Variants in LONP2 observed in about 807,000 individuals in gnomAD.
The protein encoded by LONP2 is lon peptidase 2, peroxisomal, also known as lon protease homolog 2, peroxisomal.
LONP2 carries 60 observed loss-of-function variants against 85.6 expected under a neutral mutation model. The observed-to-expected ratio is 0.70, with a 90% CI of 0.57 to 0.87. The LOEUF (loss-of-function observed/expected upper bound fraction) is 0.87. Ranked by LOEUF, LONP2 falls within the 40% of genes least tolerant of loss-of-function variation. The pLI is 0.00. For synonymous variants in LONP2, 395 were observed against 389.7 expected, an observed-to-expected ratio of 1.01 and a Z score of -0.16; for missense variants, 860 against 1,063.5, an observed-to-expected ratio of 0.81 and a Z score of 2.66.
intron 14 of LONP2, among the ~76,000 whole-genome samples, chr16:48,349,660 AGAG>A (rs1567355216): frequency 6.6e-6 from 1 of 152,232 alleles, no homozygotes; most frequent in African/African-American, 2.4e-5. Flanking sequence ...CTTTGAGAAC[AGAG>A]GACAAGACGG....
At chr16:48,339,827 A>C (rs1472936754) in intron 12 of LONP2, among the ~76,000 whole-genome samples, 1 of 151,968 alleles carries the variant, frequency 6.6e-6, no homozygotes, top group Non-Finnish European at 1.5e-5. Context: ...GAGAGGAGTG[A>C]AGTTAGGGCA....
chr16:48,303,075 A>T, intron 10 of LONP2, 97 bp from the exon 11 acceptor site: 1 of 1,357,346 alleles, frequency 7.4e-7, no homozygotes, highest in Non-Finnish European at 1.0e-6. Flanking sequence ...ATGAACTTTT[A>T]AATGTACACT....
intron 12 of LONP2, chr16:48,344,402 T>G (rs1233114822): frequency 6.6e-6 from 1 of 152,230 alleles, no homozygotes; most frequent in Non-Finnish European, 1.5e-5. Flanking sequence ...TACACAGATT[T>G]GGCATTATTC....
chr16:48,348,541 C>G (rs1463569144), intron 14 of LONP2, among the ~76,000 whole-genome samples: 2 of 136,190 alleles, frequency 1.5e-5, no homozygotes, highest in Admixed American at 1.6e-4. Flanking sequence ...GTTGCCCAGG[C>G]TGGAGTGCAG....
At chr16:48,314,566 GA>G (rs1973102098) in intron 11 of LONP2, among the ~76,000 whole-genome samples, 1 of 152,058 alleles carries the variant, frequency 6.6e-6, no homozygotes, top group South Asian at 2.1e-4. Flanking sequence ...ATTAAATAGA[GA>G]ATCCTTTCTT....
intron 11 of LONP2, among the ~76,000 whole-genome samples, chr16:48,324,736 G>A (rs147244171): frequency 2.0e-5 from 3 of 152,162 alleles, no homozygotes; most frequent in Admixed American, 6.5e-5. Context: ...GTATGGGAGA[G>A]TGGAGTTTAT....
chr16:48,299,772 C>G lies in LONP2; in HGVS notation c.1645C>G (p.Leu549Val), dbSNP rs1319373802. ...QQIQIPQVTT[L>V]DIITRYTREA... is the part of the protein sequence containing the mutation. ...GATTCAGATACCCCAGGTCACCACT[C>G]TTGACATCATCACCAGGTTAGTTAG... The change falls in exon 10 of 15, where the codon CTT (leucine) becomes GTT (valine). Residue 549 changes from leucine (L) to valine (V), a missense_variant. Physicochemically the swap from Leu to Val is conservative, Grantham distance 32. Transcript: ENST00000285737. The G allele has an allele frequency of 6.2e-7, 1 of 1,611,932 alleles. No individual in the cohort carries two copies. Among genetic ancestry groups the G allele is most frequent in the South Asian group, 1.1e-5 (1 of 90,496 alleles).
intron 11 of LONP2, among the ~76,000 whole-genome samples, chr16:48,320,335 T>G (rs1157697838): frequency 6.6e-5 from 10 of 152,152 alleles, no homozygotes; most frequent in Non-Finnish European, 1.3e-4. Flanking sequence ...ATCTTGTTCA[T>G]TCTTACCTTT....
In LONP2 at chr16:48,353,772, T is replaced by C. The variant is rs918450721; in HGVS notation, c.*1970T>C. The C allele has an allele frequency of 1.3e-5, 2 of 152,058 alleles. No homozygotes were observed. The highest frequency in any genetic ancestry group is 4.8e-5 in the African/African-American group (2 of 41,378). The allele number at this position is 152,058 out of a possible 1,614,324, so 9.4% of individuals were successfully genotyped here. ...GGGCGCTAATCCACACCCACATCGCTCTGCCCTGTTCCACCCAGCAGGGGC... is the reference window on the plus strand; with the variant it reads ...GGGCGCTAATCCACACCCACATCGCCCTGCCCTGTTCCACCCAGCAGGGGC... On this transcript the variant is annotated 3_prime_UTR_variant, in exon 15 of 15. Transcript: ENST00000285737.
At chr16:48,298,629 GTGTGTGTGTGTGTGTGTGTGTGTGT>G (rs2150998304) in intron 9 of LONP2, among the ~76,000 whole-genome samples, 1 of 111,426 alleles carries the variant, frequency 9.0e-6, no homozygotes, top group South Asian at 2.6e-4. Context: ...TAATTGAGGT[GTGTGTGTGTGTGTGTGTGTGTGTGT>G]GTGTGTGTGT....
chr16:48,362,572 AAG>A lies in LONP2; in HGVS notation c.*711_*712del. On this transcript the variant is annotated 3_prime_UTR_variant, in exon 5 of 5. Transcript: ENST00000565867. This position sits in a 1 kb window ranked among gnomAD's most constrained non-coding sequence, Gnocchi z 4.2. ...AAGAGGAAGAAAAATAGGATTAAAA[AAG>A]ATATTAAAAAAATAAAATTACACTG... The A allele has an allele frequency of 1.3e-6, 1 of 790,448 alleles. No homozygotes were observed. Among genetic ancestry groups the A allele is most frequent in the South Asian group, 1.9e-5 (1 of 52,686 alleles). The allele number at this position is 790,448 out of a possible 1,614,324, so 49.0% of individuals were successfully genotyped here. A position where few individuals can be genotyped will look rare whatever the true frequency, so the allele number is the denominator to read the frequency against.
intron 8 of LONP2, among the ~76,000 whole-genome samples, chr16:48,290,326 C>T (rs1001648873): frequency 3.9e-5 from 6 of 152,124 alleles, no homozygotes; most frequent in Non-Finnish European, 8.8e-5. Context: ...CACCTCTGAC[C>T]AAATGCACGG....
At chr16:48,276,529 AG>A (rs1262949776) in intron 7 of LONP2, among the ~76,000 whole-genome samples, 1 of 152,238 alleles carries the variant, frequency 6.6e-6, no homozygotes, top group African/African-American at 2.4e-5. Context: ...TTTGTAAAAA[AG>A]ACACCTTTTT....
intron 8 of LONP2, among the ~76,000 whole-genome samples, chr16:48,281,993 A>G (rs889205726): frequency 2.6e-5 from 4 of 152,254 alleles, no homozygotes; most frequent in Admixed American, 6.5e-5. Context: ...ACTACATGCT[A>G]TATTAATGAT....
chr16:48,283,415 G>T (rs1217052068), intron 8 of LONP2, among the ~76,000 whole-genome samples: 1 of 152,162 alleles, frequency 6.6e-6, no homozygotes, highest in African/African-American at 2.4e-5. Context: ...GCTTCAAAGG[G>T]CAGGCTAACT....
At chr16:48,318,571 C>T (rs1973195048) in intron 11 of LONP2, among the ~76,000 whole-genome samples, 1 of 152,156 alleles carries the variant, frequency 6.6e-6, no homozygotes, top group Admixed American at 6.5e-5. Context: ...AATTTTACAG[C>T]ACTAGTTCTT....
In LONP2 at chr16:48,353,953, A is replaced by G. The variant is rs1033847993; in HGVS notation, c.*2151A>G. 1 of 151,590 alleles carries G rather than the reference A, an allele frequency of 6.6e-6. No individual in the cohort carries two copies. Among genetic ancestry groups the G allele is most frequent in the African/African-American group, 2.4e-5 (1 of 41,228 alleles). The allele number at this position is 151,590 out of a possible 1,614,324, so 9.4% of individuals were successfully genotyped here. A position where few individuals can be genotyped will look rare whatever the true frequency, so the allele number is the denominator to read the frequency against. Reference sequence around the variant, plus strand: ...GCATTCTCCCCTTGCTGTGTATGACATGGAACAGTATGACCATTGCACTAG... The same window carrying G: ...GCATTCTCCCCTTGCTGTGTATGACGTGGAACAGTATGACCATTGCACTAG... On this transcript the variant is annotated 3_prime_UTR_variant, in exon 15 of 15. Transcript: ENST00000285737.
chr16:48,292,613 T>G (rs1431962009), intron 8 of LONP2, among the ~76,000 whole-genome samples: 2 of 152,258 alleles, frequency 1.3e-5, no homozygotes, highest in African/African-American at 4.8e-5. Context: ...CAAAGTAAAC[T>G]GCAGCCTAAC....
intron 8 of LONP2, among the ~76,000 whole-genome samples, chr16:48,278,021 TTTC>T (rs1462157199): frequency 6.6e-6 from 1 of 151,832 alleles, no homozygotes; most frequent in African/African-American, 2.4e-5. Context: ...TAAGAATTTT[TTTC>T]TTGTTTTTTT....
Sources: gnomAD v4.1 joint callset for allele counts (sites outside exome capture counted in the v4.1 genomes callset) on GRCh38, gnomAD v4.1.1 for gene constraint, Gnocchi (gnomAD v3.1) non-coding constraint, MANE v1.5 for transcripts, NCBI Gene and HGNC (gene_info 2026-07-23, HGNC 2026-07-21) for gene names.